AOX1: variants seen among roughly 807,000 people sequenced by gnomAD.
AOX1 encodes the protein aldehyde oxidase 1, also known as aldehyde oxidase.
Under a neutral mutation model 169.5 loss-of-function variants are expected in AOX1, and 153 were observed. That is an observed-to-expected ratio of 0.90 (90% CI 0.79 to 1.03). The LOEUF is 1.03. AOX1 is among the 50% of genes least tolerant of loss of function. AOX1 has a pLI of 0.00. For missense variants in AOX1, 1,656 were observed against 1,663.9 expected (o/e 1.00, Z 0.08); for synonymous variants, 562 against 581.9 (o/e 0.97, Z 0.49).
At position 200,609,345 on chromosome 2, in the gene AOX1, A is replaced by G. The variant is rs769506415; in HGVS notation, c.1084A>G (p.Arg362Gly). ...GTCTTTAGGGGGACACATCATTAGC[A>G]GGCATCCAGATTCAGATCTGAATCC... ...MASLGGHIIS[R>G]HPDSDLNPIL... Residue 362 changes from arginine to glycine, a missense_variant, in exon 12 of 35, where the codon AGG (arginine) becomes GGG (glycine). By Grantham distance (125) the Arg-to-Gly change is moderately radical (BLOSUM62 -2). Coordinates refer to ENST00000374700, the MANE Select transcript of AOX1 (RefSeq NM_001159.4). 1.2e-6 allele frequency: 2 copies of G among 1,614,072 alleles called. No individual in the cohort carries two copies. Among genetic ancestry groups the G allele is most frequent in the South Asian group, 2.2e-5 (2 of 91,066 alleles).
At chr2:200,606,409 A>T (rs1281997759) in intron 10 of AOX1, among the ~76,000 whole-genome samples, 1 of 152,166 alleles carries the variant, frequency 6.6e-6, no homozygotes, top group Non-Finnish European at 1.5e-5. Flanking sequence ...GTTTGAAGTC[A>T]GATAGTGTGA....
intron 5 of AOX1, 66 bp downstream of exon 5, chr2:200,599,812 T>A: frequency 5.0e-4 from 463 of 929,046 alleles, no homozygotes; most frequent in Non-Finnish European, 6.2e-4. Context: ...TGAGACGGAA[T>A]CTCACTCTGT....
rs543416292 is a variant in AOX1 at position 200,627,422 on chromosome 2, T to C, written c.2194T>C (p.Phe732Leu). The C allele has an allele frequency of 3.1e-6, 5 of 1,613,540 alleles. No individual in the cohort carries two copies. Among genetic ancestry groups the C allele is most frequent in the African/African-American group, 1.3e-5 (1 of 75,018 alleles). ...KLEYGNVDEA[F>L]KVVDQILEGE... ...GGAATATGGAAATGTTGACGAAGCA[T>C]TTAAAGTGGTTGATCAAATTCTTGA... Residue 732 changes from phenylalanine (F) to leucine (L), a missense_variant, in exon 20 of 35, where the codon TTT becomes CTT. Phe to Leu is a conservative substitution (Grantham distance 22, BLOSUM62 0). Transcript: ENST00000374700.
rs140737784 is a variant in AOX1, at chr2:200,604,528, T to C, written c.670-168T>C. Among the ~76,000 whole-genome samples the C allele has an allele frequency of 8.2e-3, 1,244 of 152,334 alleles. 14 individuals are homozygous for C. The highest frequency in any genetic ancestry group is 0.027 in the African/African-American group (1,142 of 41,574). On this transcript the variant is annotated intron_variant, in intron 8 of 34. Coordinates refer to ENST00000374700, the MANE Select transcript of AOX1 (RefSeq NM_001159.4). ...CAGGAGTAAAGAACCATCGTGCTTTTATTCTGAATTCTAATTCCTTGTAAA... is the reference window on the plus strand; with the variant it reads ...CAGGAGTAAAGAACCATCGTGCTTTCATTCTGAATTCTAATTCCTTGTAAA...
chr2:200,608,882 A>G lies in AOX1; in HGVS notation c.908-102A>G, dbSNP rs548572361. 5.7e-4 allele frequency: 571 copies of G among 1,005,050 alleles called. 1 individual carries two copies. Among genetic ancestry groups the G allele is most frequent in the Non-Finnish European group, 8.0e-4 (542 of 676,392 alleles). 62.3% of individuals were successfully genotyped at this position (1,005,050 alleles called of 1,614,324 possible). On this transcript the variant is annotated intron_variant, in intron 10 of 34. Transcript: ENST00000374700. ...CACCATCACCAATAAGCAGGGCAGC[A>G]TGTATCCAGTATAAAGATTCTATGT... is the stretch of plus-strand genomic sequence containing the variant.
chr2:200,663,541 C>CATAA, intron 31 of AOX1, among the ~76,000 whole-genome samples: 1 of 138,244 alleles, frequency 7.2e-6, no homozygotes, highest in Admixed American at 7.3e-5. Flanking sequence ...CACACATACA[C>CATAA]ACAAACACAC....
rs187418234 is a variant in AOX1, at chr2:200,636,716, A to G, written c.2347-195A>G. The stretch of plus-strand genomic sequence containing the variant: ...GGCCAGGGTTGTTGGACATTATCCC[A>G]TTATTTAGCATAACCACACAGTATG... On this transcript the variant is annotated intron_variant, in intron 21 of 34. Coordinates refer to ENST00000374700, the MANE Select transcript of AOX1 (RefSeq NM_001159.4). Among the ~76,000 whole-genome samples the G allele has an allele frequency of 2.2e-4, 34 of 152,302 alleles. 1 individual carries two copies. The highest frequency in any genetic ancestry group is 2.6e-4 in the Non-Finnish European group (18 of 68,020).
At chr2:200,589,357 A>G (rs922957101) in intron 1 of AOX1, among the ~76,000 whole-genome samples, 3 of 152,174 alleles carry the variant, frequency 2.0e-5, no homozygotes, top group African/African-American at 7.2e-5. Flanking sequence ...TAGATGCCAC[A>G]TAACAACCTC....
At chr2:200,601,913 G>A (rs144580216) in intron 5 of AOX1, among the ~76,000 whole-genome samples, 459 of 152,110 alleles carry the variant, frequency 3.0e-3, no homozygotes, top group African/African-American at 0.01. Flanking sequence ...CAGCCTGGGC[G>A]ACAGAATGAA....
At chr2:200,588,884 C>A (rs552574387) in intron 1 of AOX1, among the ~76,000 whole-genome samples, 1 of 151,816 alleles carries the variant, frequency 6.6e-6, no homozygotes, top group South Asian at 2.1e-4. Context: ...AAACTCCTGA[C>A]CCCAGGTGAT....
chr2:200,618,704 GGAGCACTCTTCTC>G (rs1238689931), intron 16 of AOX1, among the ~76,000 whole-genome samples: 3 of 152,014 alleles, frequency 2.0e-5, no homozygotes, highest in Non-Finnish European at 4.4e-5. Flanking sequence ...TAGTGAGTGG[GGAGCACTCTTCTC>G]GAGTTCCTGG....
At chr2:200,644,862 A>G (rs566564762) in intron 25 of AOX1, among the ~76,000 whole-genome samples, 1 of 152,286 alleles carries the variant, frequency 6.6e-6, no homozygotes, top group South Asian at 2.1e-4. Flanking sequence ...CCATTGGTGT[A>G]TAGAAGAACT....
intron 3 of AOX1, 99 bp downstream of exon 3, chr2:200,595,467 G>A: frequency 1.3e-6 from 1 of 755,048 alleles, no homozygotes; most frequent in Non-Finnish European, 2.1e-6. Context: ...CCTACCATGT[G>A]AAAAGAACTG....
chr2:200,674,129 C>T (rs962868131), downstream of AOX1, among the ~76,000 whole-genome samples: 4 of 152,222 alleles, frequency 2.6e-5, no homozygotes, highest in African/African-American at 9.6e-5. Flanking sequence ...GGTGCTTCAG[C>T]GTCTCTCCCT....
At position 200,591,985 on chromosome 2, in the gene AOX1, T is replaced by C. The variant is rs573877398; in HGVS notation, c.46-1161T>C. ...TGTGGTGGATTGGAAAAAAAAAAGTTGAAAATAGCTCAGGTTTTTTAGCTT... is the reference window on the plus strand; with the variant it reads ...TGTGGTGGATTGGAAAAAAAAAAGTCGAAAATAGCTCAGGTTTTTTAGCTT... On this transcript the variant is annotated intron_variant, in intron 1 of 34. Coordinates refer to ENST00000374700, the MANE Select transcript of AOX1 (RefSeq NM_001159.4). Among the ~76,000 whole-genome samples, 28 of 151,994 alleles carry C rather than the reference T, an allele frequency of 1.8e-4. 1 individual carries two copies. The Middle Eastern group carries it at 0.01, about 55-fold the overall frequency.
chr2:200,645,728 A>G (rs2035441346), intron 25 of AOX1, among the ~76,000 whole-genome samples: 1 of 152,040 alleles, frequency 6.6e-6, no homozygotes, highest in Non-Finnish European at 1.5e-5. Flanking sequence ...TAATTTTTAA[A>G]TTACCATTTC....
At chr2:200,646,782 T>G (rs2035461665) in intron 25 of AOX1, among the ~76,000 whole-genome samples, 1 of 152,194 alleles carries the variant, frequency 6.6e-6, no homozygotes, top group African/African-American at 2.4e-5. Context: ...ATTTTCCAGT[T>G]GTACAAGGCC....
At chr2:200,657,190 A>ATATATATATATATATATTTTTTTTTTTTT in intron 27 of AOX1, among the ~76,000 whole-genome samples, 1 of 62,916 alleles carries the variant, frequency 1.6e-5, no homozygotes, top group Admixed American at 2.4e-4. Flanking sequence ...ATATATATAT[A>ATATATATATATATATATTTTTTTTTTTTT]TTTTTTTTTT....
At chr2:200,659,786 TCACA>T (rs56916091) in intron 28 of AOX1, among the ~76,000 whole-genome samples, 2,519 of 96,152 alleles carry the variant, frequency 0.026, 36 homozygotes, top group African/African-American at 0.073. Flanking sequence ...GTTCTCTCTC[TCACA>T]CACACACACA....
Sources: gnomAD v4.1 joint callset for allele counts (sites outside exome capture counted in the v4.1 genomes callset) on GRCh38, gnomAD v4.1.1 for gene constraint, MANE v1.5 for transcripts, NCBI Gene and HGNC (gene_info 2026-07-23, HGNC 2026-07-21) for gene names.